Variants in ROBO2 observed in about 807,000 individuals in gnomAD.
ROBO2 encodes roundabout guidance receptor 2, also known as roundabout homolog 2.
Under a neutral mutation model 160.8 loss-of-function variants are expected in ROBO2, and 53 were observed. The ratio of observed to expected loss-of-function variants is 0.33; its 90% CI spans 0.26 to 0.41. The LOEUF (loss-of-function observed/expected upper bound fraction) is 0.41. Ranked by LOEUF, ROBO2 falls within the 10% of genes least tolerant of loss-of-function variation. The pLI is 1.00. For synonymous variants in ROBO2, 664 were observed against 611.7 expected, an observed-to-expected ratio of 1.09 and a Z score of -1.26; for missense variants, 1,577 against 1,722.4, an observed-to-expected ratio of 0.92 and a Z score of 1.49.
At chr3:77,632,346 G>T (rs1345426026) in intron 23 of ROBO2, 5 of 677,602 alleles carry the variant, frequency 7.4e-6, no homozygotes, top group East Asian at 2.8e-5. Flanking sequence ...CTTGCATTTG[G>T]CTAAAGAAAT....
intron 2 of ROBO2, among the ~76,000 whole-genome samples, chr3:77,446,813 T>G (rs2080577631): frequency 6.6e-6 from 1 of 152,062 alleles, no homozygotes; most frequent in Admixed American, 6.6e-5. Flanking sequence ...AAAAAAATCC[T>G]TTGGGTGCTC....
intron 2 of ROBO2, among the ~76,000 whole-genome samples, chr3:77,313,835 C>G: frequency 6.6e-6 from 1 of 152,286 alleles, no homozygotes; most frequent in South Asian, 2.1e-4. Flanking sequence ...CTGCCTACCT[C>G]GGCCTCCCAA....
At chr3:76,697,575 A>G (rs1052501931) in intron 2 of ROBO2, among the ~76,000 whole-genome samples, 6 of 152,038 alleles carry the variant, frequency 3.9e-5, no homozygotes, top group African/African-American at 1.4e-4. Flanking sequence ...TGAACCTGCG[A>G]TTTCTAGCTG....
rs376823667 is a variant in ROBO2, at chr3:76,707,731, G to GTGTATATATATATATA, written c.110-390282_110-390281insGTATATATATATATAT. Reference sequence around the variant, plus strand: ...CACACACATTAGAATACATGTGTGTGTATATATATATATATATATATATAT... The same window carrying GTGTATATATATATATA: ...CACACACATTAGAATACATGTGTGTGTGTATATATATATATATATATATATATATATATATATATAT... On this transcript the variant is annotated intron_variant, in intron 2 of 26. Coordinates refer to the ROBO2 transcript ENST00000487694. Among the ~76,000 whole-genome samples, 726 of 133,936 alleles carry GTGTATATATATATATA rather than the reference G, an allele frequency of 5.4e-3. 4 individuals are homozygous for GTGTATATATATATATA. The highest frequency in any genetic ancestry group is 0.015 in the East Asian group (64 of 4,196). 87.9% of individuals were successfully genotyped at this position (133,936 alleles called of 152,430 possible).
At chr3:76,835,920 A>G (rs62261813) in intron 2 of ROBO2, among the ~76,000 whole-genome samples, 1 of 151,956 alleles carries the variant, frequency 6.6e-6, no homozygotes, top group Non-Finnish European at 1.5e-5. Context: ...TGATTAGACA[A>G]TTTGGATTCT....
intron 2 of ROBO2, among the ~76,000 whole-genome samples, chr3:77,219,432 G>GTATATATA (rs1235543969): frequency 2.6e-5 from 2 of 76,756 alleles, no homozygotes; most frequent in African/African-American, 4.5e-5. Flanking sequence ...GTGTATGTGT[G>GTATATATA]TGTATATATA....
At chr3:76,962,718 G>A (rs1033656171) in intron 2 of ROBO2, among the ~76,000 whole-genome samples, 13 of 151,950 alleles carry the variant, frequency 8.6e-5, no homozygotes, top group African/African-American at 2.4e-4. Context: ...GAGGCAGGAG[G>A]ATCACTTGAG....
intron 6 of ROBO2, among the ~76,000 whole-genome samples, chr3:77,529,652 G>A (rs1229824299): frequency 6.6e-6 from 1 of 151,756 alleles, no homozygotes; most frequent in Admixed American, 6.6e-5. Context: ...TCATCTGCAA[G>A]ATGTTTCCAA....
intron 2 of ROBO2, among the ~76,000 whole-genome samples, chr3:77,328,549 A>G (rs751854651): frequency 2.0e-4 from 30 of 152,134 alleles, no homozygotes; most frequent in Non-Finnish European, 1.6e-4. Context: ...TTGCTATGCT[A>G]TTATTTGGTG....
chr3:76,376,975 G>C (rs955553185), intron 2 of ROBO2, among the ~76,000 whole-genome samples: 3 of 152,094 alleles, frequency 2.0e-5, no homozygotes, highest in African/African-American at 7.2e-5. Context: ...AACTTTTTCT[G>C]TTGTGCATGC....
intron 2 of ROBO2, among the ~76,000 whole-genome samples, chr3:76,031,640 G>A (rs1469161980): frequency 6.6e-6 from 1 of 152,026 alleles, no homozygotes; most frequent in Non-Finnish European, 1.5e-5. Flanking sequence ...TTTGTCTTTG[G>A]TTCTGTTTAT....
chr3:77,252,831 A>AAAAAAAAAAAATATATAT, intron 2 of ROBO2, among the ~76,000 whole-genome samples: 2 of 12,524 alleles, frequency 1.6e-4, no homozygotes, highest in African/African-American at 3.2e-4. Context: ...AAAAAAAAAA[A>AAAAAAAAAAAATATATAT]ATATATATAT....
intron 2 of ROBO2, among the ~76,000 whole-genome samples, chr3:76,878,709 T>C (rs2073035978): frequency 1.3e-5 from 2 of 152,194 alleles, no homozygotes; most frequent in African/African-American, 4.8e-5. Context: ...AGTAGCCTAG[T>C]TCTTCATTTA....
At chr3:76,207,197 A>G (rs1228568185) in intron 2 of ROBO2, among the ~76,000 whole-genome samples, 1 of 152,220 alleles carries the variant, frequency 6.6e-6, no homozygotes, top group Non-Finnish European at 1.5e-5. Flanking sequence ...AAGTCTATGC[A>G]GAAAATATTT....
intron 1 of ROBO2, among the ~76,000 whole-genome samples, chr3:77,042,864 C>T (rs1024161256): frequency 6.6e-6 from 1 of 152,114 alleles, no homozygotes; most frequent in South Asian, 2.1e-4. Context: ...AATTATGCAG[C>T]AGAACTCATA....
intron 2 of ROBO2, among the ~76,000 whole-genome samples, chr3:76,019,231 C>A (rs545649608): frequency 2.0e-5 from 3 of 151,646 alleles, no homozygotes; most frequent in South Asian, 2.1e-4. Flanking sequence ...TTGAAATTGT[C>A]TAATATTTGC....
intron 2 of ROBO2, among the ~76,000 whole-genome samples, chr3:76,133,363 T>G (rs753214979): frequency 2.0e-4 from 31 of 151,684 alleles, no homozygotes; most frequent in Non-Finnish European, 3.8e-4. Context: ...CAAATATATA[T>G]TTTCTCTAGA....
intron 2 of ROBO2, among the ~76,000 whole-genome samples, chr3:77,436,563 G>T (rs2079311446): frequency 6.6e-6 from 1 of 151,808 alleles, no homozygotes; most frequent in African/African-American, 2.4e-5. Flanking sequence ...TCTGTTTTAT[G>T]AATTGTTCAA....
chr3:77,039,059 G>A (rs1432298726), upstream of ROBO2, among the ~76,000 whole-genome samples: 1 of 152,162 alleles, frequency 6.6e-6, no homozygotes, highest in Non-Finnish European at 1.5e-5. Context: ...ACTCATCGTG[G>A]AGGGGTCAAA....
Sources: gnomAD v4.1 joint callset for allele counts (sites outside exome capture counted in the v4.1 genomes callset) on GRCh38, gnomAD v4.1.1 for gene constraint, MANE v1.5 for transcripts, NCBI Gene and HGNC (gene_info 2026-07-23, HGNC 2026-07-21) for gene names.